The following DPP10 variants were observed in gnomAD, a reference collection of about 807,000 sequenced individuals.
DPP10 encodes dipeptidyl peptidase like 10.
A neutral mutation model predicts 120.9 loss-of-function variants in DPP10; 33 were observed. The observed-to-expected ratio is 0.27, with a 90% CI of 0.21 to 0.37. DPP10 has a LOEUF of 0.37. Ranked by LOEUF, DPP10 falls within the 10% of genes least tolerant of loss-of-function variation. The pLI, the probability that DPP10 is intolerant of heterozygous loss-of-function variation, is 1.00. For synonymous variants in DPP10, 337 were observed against 326.1 expected, an observed-to-expected ratio of 1.03 and a Z score of -0.36; for missense variants, 816 against 942.8, an observed-to-expected ratio of 0.87 and a Z score of 1.76.
At chr2:115,764,987 T>G (rs1680544931) in intron 12 of DPP10, among the ~76,000 whole-genome samples, 1 of 152,140 alleles carries the variant, frequency 6.6e-6, no homozygotes, top group African/African-American at 2.4e-5. Context: ...GTGTAATATA[T>G]TTGGTCAAGG....
At chr2:114,857,020 G>A (rs577881802) in intron 1 of DPP10, among the ~76,000 whole-genome samples, 1 of 152,056 alleles carries the variant, frequency 6.6e-6, no homozygotes, top group Non-Finnish European at 1.5e-5. Flanking sequence ...GATACTGAGA[G>A]TCAGAAAAAA....
intron 5 of DPP10, among the ~76,000 whole-genome samples, chr2:115,661,940 T>C (rs772709192): frequency 1.6e-4 from 25 of 152,186 alleles, no homozygotes; most frequent in Admixed American, 3.9e-4. Context: ...ACTATAGTCA[T>C]AGTGTTGTGC....
chr2:115,319,695 G>T (rs891237047), intron 2 of DPP10, among the ~76,000 whole-genome samples: 3 of 152,072 alleles, frequency 2.0e-5, no homozygotes, highest in Non-Finnish European at 4.4e-5. Flanking sequence ...CCACAGACTG[G>T]GTAATATAAA....
At chr2:115,169,547 A>G (rs1274116957) in intron 1 of DPP10, among the ~76,000 whole-genome samples, 1 of 152,106 alleles carries the variant, frequency 6.6e-6, no homozygotes, top group Admixed American at 6.6e-5. Context: ...ACTGATTTCT[A>G]CTATTTTTAG....
rs1314076572 is a variant in DPP10, at chr2:115,389,201, A to C, written c.271+45289A>C. On this transcript the variant is annotated intron_variant, in intron 3 of 25. Coordinates refer to ENST00000410059, the MANE Select transcript of DPP10 (RefSeq NM_020868.6). ...CTTTTAAAATGTTGACAGAACAAACAAAGTGCACACAGCTGCAACATTCCC... is the reference window on the plus strand; with the variant it reads ...CTTTTAAAATGTTGACAGAACAAACCAAGTGCACACAGCTGCAACATTCCC... Among the ~76,000 whole-genome samples the C allele has an allele frequency of 2.0e-5, 3 of 152,020 alleles. No homozygotes were observed. The East Asian group carries it at 5.8e-4, about 29-fold the overall frequency.
intron 1 of DPP10, among the ~76,000 whole-genome samples, chr2:114,993,018 T>G (rs1361880505): frequency 6.6e-6 from 1 of 152,206 alleles, no homozygotes; most frequent in Non-Finnish European, 1.5e-5. Context: ...GGTAGTTGTC[T>G]TAATATGTCA....
intron 1 of DPP10, among the ~76,000 whole-genome samples, chr2:115,039,669 T>G (rs756820122): frequency 6.6e-6 from 1 of 152,220 alleles, no homozygotes; most frequent in African/African-American, 2.4e-5. Context: ...GAATGATTTT[T>G]AAGCCATCAT....
chr2:115,076,845 G>T (rs1707841497), intron 1 of DPP10, among the ~76,000 whole-genome samples: 1 of 152,192 alleles, frequency 6.6e-6, no homozygotes, highest in African/African-American at 2.4e-5. Flanking sequence ...GTGTTCATAT[G>T]TGAGAGTTTT....
At chr2:115,123,430 C>T (rs979418733) in intron 1 of DPP10, among the ~76,000 whole-genome samples, 1 of 152,130 alleles carries the variant, frequency 6.6e-6, no homozygotes, top group Non-Finnish European at 1.5e-5. Flanking sequence ...TGGGAGGGGT[C>T]ACATTTGCAG....
At chr2:115,581,578 T>C (rs1031821683) in intron 5 of DPP10, among the ~76,000 whole-genome samples, 2 of 152,154 alleles carry the variant, frequency 1.3e-5, no homozygotes, top group African/African-American at 4.8e-5. Flanking sequence ...AATAAACCAA[T>C]GCTGGCCCTA....
intron 1 of DPP10, among the ~76,000 whole-genome samples, chr2:114,753,390 G>A (rs1328729891): frequency 6.6e-6 from 1 of 152,110 alleles, no homozygotes; most frequent in African/African-American, 2.4e-5. Flanking sequence ...GCCCGTATGA[G>A]CCTTAGTGTT....
chr2:114,482,782 T>C (rs986478913), intron 1 of DPP10, among the ~76,000 whole-genome samples: 6 of 152,216 alleles, frequency 3.9e-5, no homozygotes, highest in Admixed American at 6.6e-5. Context: ...GCGTATCTTG[T>C]ACTTTATATG....
chr2:115,517,794 A>G (rs1406473735), intron 4 of DPP10, among the ~76,000 whole-genome samples: 3 of 152,188 alleles, frequency 2.0e-5, no homozygotes, highest in Admixed American at 6.5e-5. Flanking sequence ...CTATTAATTC[A>G]TATTTGTCTT....
intron 1 of DPP10, among the ~76,000 whole-genome samples, chr2:114,631,942 T>A (rs1449375294): frequency 2.0e-5 from 3 of 152,224 alleles, no homozygotes; most frequent in Non-Finnish European, 4.4e-5. Context: ...TCTAGAATAT[T>A]CCATTCGTTG....
chr2:114,722,830 T>C (rs930266559), intron 1 of DPP10, among the ~76,000 whole-genome samples: 3 of 146,952 alleles, frequency 2.0e-5, no homozygotes, highest in Non-Finnish European at 4.5e-5. Context: ...TTCCCACCTG[T>C]AAAGCCTTCT....
chr2:115,811,828 C>A (rs1372404904), intron 19 of DPP10, among the ~76,000 whole-genome samples: 1 of 152,110 alleles, frequency 6.6e-6, no homozygotes, highest in Non-Finnish European at 1.5e-5. Flanking sequence ...TATTACATAG[C>A]AATTATGCTT....
intron 1 of DPP10, among the ~76,000 whole-genome samples, chr2:115,096,379 G>A (rs1029900310): frequency 5.9e-5 from 9 of 152,046 alleles, no homozygotes; most frequent in South Asian, 2.1e-4. Context: ...GTTGATATGC[G>A]TTCAAGCAAT....
chr2:115,320,985 T>C (rs186575019), intron 2 of DPP10, among the ~76,000 whole-genome samples: 1 of 152,288 alleles, frequency 6.6e-6, no homozygotes, highest in Non-Finnish European at 1.5e-5. Context: ...GATTTTGCTA[T>C]ATATAGAATT....
intron 1 of DPP10, among the ~76,000 whole-genome samples, chr2:114,499,720 T>C (rs1235401244): frequency 6.6e-6 from 1 of 152,124 alleles, no homozygotes; most frequent in Non-Finnish European, 1.5e-5. Context: ...TATAAGTAGA[T>C]TAAAACAGGG....
Sources: gnomAD v4.1 joint callset for allele counts (sites outside exome capture counted in the v4.1 genomes callset) on GRCh38, gnomAD v4.1.1 for gene constraint, MANE v1.5 for transcripts, NCBI Gene and HGNC (gene_info 2026-07-23, HGNC 2026-07-21) for gene names.